Variants in GARIN1B observed in about 807,000 individuals in gnomAD.
The protein encoded by GARIN1B is Golgi-associated RAB2 interactor protein 1B.
At chr7:128,723,194 T>C in the GARIN1B span, 1 of 1,604,812 alleles carries the variant, frequency 6.2e-7, no homozygotes, top group South Asian at 1.1e-5. Context: ...TTTCTTCATA[T>C]AGTTAGTACA....
the GARIN1B span, chr7:128,719,062 C>T: frequency 6.2e-7 from 1 of 1,613,838 alleles, no homozygotes; most frequent in Non-Finnish European, 8.5e-7. Context: ...AGAACTGCAG[C>T]AGCCCCTCAG....
the GARIN1B span, chr7:128,723,357 C>T: frequency 6.3e-7 from 1 of 1,597,880 alleles, no homozygotes; most frequent in Non-Finnish European, 8.6e-7. Flanking sequence ...GACATTCCCT[C>T]CTGCAACCCA....
chr7:128,723,426 T>A, the GARIN1B span: 3 of 1,392,034 alleles, frequency 2.2e-6, no homozygotes, highest in Middle Eastern at 4.1e-4. Flanking sequence ...CGCAGGGTTT[T>A]ACGTGACCAG....
At chr7:128,731,580 C>G in the GARIN1B span, 106 of 174,548 alleles carry the variant, frequency 6.1e-4, no homozygotes, top group East Asian at 0.011. Context: ...TTCTATTTAT[C>G]TAATTTAAAA....
the GARIN1B span, among the ~76,000 whole-genome samples, chr7:128,716,629 T>C: frequency 2.0e-5 from 3 of 152,188 alleles, no homozygotes; most frequent in East Asian, 5.8e-4. Flanking sequence ...GTAGTGCTAC[T>C]AGAACTAGTA....
the GARIN1B span, among the ~76,000 whole-genome samples, chr7:128,711,325 A>T: frequency 6.6e-6 from 1 of 152,164 alleles, no homozygotes; most frequent in Admixed American, 6.6e-5. Flanking sequence ...CAAGCTAAAC[A>T]TCACCCCATA....
At chr7:128,726,440 T>G in the GARIN1B span, among the ~76,000 whole-genome samples, 1 of 152,238 alleles carries the variant, frequency 6.6e-6, no homozygotes, top group Non-Finnish European at 1.5e-5. Flanking sequence ...TGATGATTTT[T>G]CTCTCATTTG....
the GARIN1B span, chr7:128,724,924 C>A: frequency 7.4e-6 from 9 of 1,217,806 alleles, no homozygotes; most frequent in Non-Finnish European, 9.5e-6. Flanking sequence ...TCTGACTGCA[C>A]CCTTGAGCAT....
At chr7:128,725,691 T>G in the GARIN1B span, among the ~76,000 whole-genome samples, 2,260 of 152,268 alleles carry the variant, frequency 0.015, 60 homozygotes, top group African/African-American at 0.052. Context: ...ATTTTTAAAT[T>G]ACTATTTAAA....
the GARIN1B span, chr7:128,730,097 A>G: frequency 6.2e-7 from 1 of 1,600,984 alleles, no homozygotes; most frequent in South Asian, 1.1e-5. Flanking sequence ...ATCCCCTGCC[A>G]TTGTGGGGCA....
the GARIN1B span, chr7:128,715,297 A>G: frequency 1.4e-6 from 2 of 1,461,304 alleles, no homozygotes; most frequent in Admixed American, 2.7e-5. Flanking sequence ...CCCTTCCTGC[A>G]GGTCTGTCCT....
chr7:128,715,537 C>T, the GARIN1B span: 1 of 1,614,166 alleles, frequency 6.2e-7, no homozygotes. Flanking sequence ...CCCTGAATGC[C>T]TGGGAAGAAT....
the GARIN1B span, among the ~76,000 whole-genome samples, chr7:128,724,393 G>A: frequency 6.6e-6 from 1 of 152,138 alleles, no homozygotes; most frequent in African/African-American, 2.4e-5. Flanking sequence ...TCAACTTATT[G>A]GATTTACTTA....
the GARIN1B span, chr7:128,731,518 G>A: frequency 1.5e-5 from 4 of 266,540 alleles, no homozygotes; most frequent in African/African-American, 6.5e-5. Context: ...CTTGGTAGAC[G>A]AGATAAGGAG....
At chr7:128,731,527 A>G in the GARIN1B span, 24 of 256,784 alleles carry the variant, frequency 9.3e-5, no homozygotes, top group Admixed American at 3.4e-4. Context: ...CGAGATAAGG[A>G]GGACAAGAGA....
chr7:128,721,920 C>T, the GARIN1B span, among the ~76,000 whole-genome samples: 7 of 151,816 alleles, frequency 4.6e-5, no homozygotes, highest in East Asian at 1.9e-4. Context: ...TTTTTTTTAA[C>T]GTTAAACCAA....
the GARIN1B span, among the ~76,000 whole-genome samples, chr7:128,710,966 C>T: frequency 6.6e-6 from 1 of 152,150 alleles, no homozygotes; most frequent in African/African-American, 2.4e-5. Context: ...CCTGGTTTTT[C>T]TTGTTTCTTT....
the GARIN1B span, among the ~76,000 whole-genome samples, chr7:128,717,352 T>C: frequency 2.0e-5 from 3 of 152,172 alleles, no homozygotes; most frequent in Non-Finnish European, 4.4e-5. Flanking sequence ...TTATTTCTAG[T>C]TCTTGGTGTA....
the GARIN1B span, chr7:128,714,198 A>G: frequency 1.4e-6 from 2 of 1,442,570 alleles, no homozygotes; most frequent in East Asian, 4.9e-5. Context: ...GTCAGCCTCC[A>G]TGCTTGTCCT....
Sources: gnomAD v4.1 joint callset for allele counts (sites outside exome capture counted in the v4.1 genomes callset) on GRCh38, gnomAD v4.1.1 for gene constraint, MANE v1.5 for transcripts, NCBI Gene and HGNC (gene_info 2026-07-23, HGNC 2026-07-21) for gene names.